The following UBE2QL1 variants were observed in gnomAD, a reference collection of about 807,000 sequenced individuals.
The protein encoded by UBE2QL1 is ubiquitin conjugating enzyme E2 QL1.
Under a neutral mutation model 12.6 loss-of-function variants are expected in UBE2QL1, and 5 were observed. That is an observed-to-expected ratio of 0.40 (90% CI 0.21 to 0.83). The LOEUF is 0.83. Among genes scored for constraint, UBE2QL1 ranks in the 40% least tolerant of loss-of-function variants. The probability of loss-of-function intolerance (pLI) is 0.37; values close to 1 mark genes in which losing one functional copy is unlikely to be tolerated. For missense variants in UBE2QL1, 99 were observed against 222.6 expected, an observed-to-expected ratio of 0.44 and a Z score of 3.53; for synonymous variants, 96 against 94.5, an observed-to-expected ratio of 1.02 and a Z score of -0.10.
intron 1 of UBE2QL1, among the ~76,000 whole-genome samples, chr5:6,462,341 C>T (rs1050326715): frequency 3.9e-5 from 6 of 152,168 alleles, no homozygotes; most frequent in African/African-American, 1.4e-4. Context: ...GGCAAGGCCC[C>T]CACCCCAGAT....
intron 1 of UBE2QL1, among the ~76,000 whole-genome samples, chr5:6,461,536 A>ACCCCCCCCC (rs1489545549): frequency 1.4e-4 from 5 of 36,220 alleles, no homozygotes; most frequent in Non-Finnish European, 1.7e-4. Flanking sequence ...GTTTTTCAGC[A>ACCCCCCCCC]CCCACCACCC....
In UBE2QL1 at chr5:6,461,421, T is replaced by C. The variant is rs191691586; in HGVS notation, c.354+12174T>C. Reference sequence around the variant, plus strand: ...CAGCTAACTGATCCTCCAGGATTTCTACGCTGTTTTTATTGTATTCCCAGT... The same window carrying C: ...CAGCTAACTGATCCTCCAGGATTTCCACGCTGTTTTTATTGTATTCCCAGT... On this transcript the variant is annotated intron_variant, in intron 1 of 1. Coordinates refer to ENST00000399816, the MANE Select transcript of UBE2QL1 (RefSeq NM_001145161.3). Among the ~76,000 whole-genome samples, 5 of 152,272 alleles carry C rather than the reference T, an allele frequency of 3.3e-5. No homozygotes were observed. The East Asian group carries it at 9.7e-4, about 29-fold the overall frequency.
Position 6,494,424 on chromosome 5 carries a change from CTTTT to C in UBE2QL1, c.*3079_*3082del, listed in dbSNP as rs1204052711. The C allele has an allele frequency of 6.6e-6, 1 of 152,108 alleles. No individual in the cohort carries two copies. The highest frequency in any genetic ancestry group is 1.9e-4 in the East Asian group (1 of 5,198). 9.4% of individuals were successfully genotyped at this position (152,108 alleles called of 1,614,324 possible). ...TCAGCTCCATCTATCAAAATTTGAC[CTTTT>C]TTTAAGAGAAAAATATGTAGATGAG... On this transcript the variant is annotated 3_prime_UTR_variant, in exon 2 of 2. Transcript: ENST00000399816.
Position 6,463,753 on chromosome 5 carries a change from G to A in UBE2QL1, c.354+14506G>A, listed in dbSNP as rs528937722. ...CGCCGTTCTCCTGCCTCAGCCTCCC[G>A]AGTAGCTGGGACTACAGGCGCCCGC... On this transcript the variant is annotated intron_variant, in intron 1 of 1. Coordinates refer to ENST00000399816, the MANE Select transcript of UBE2QL1 (RefSeq NM_001145161.3). 6.3e-5 allele frequency among the ~76,000 whole-genome samples: 9 copies of A among 142,534 alleles called. No homozygotes were observed. In the East Asian group the frequency reaches 2.1e-3, roughly 33 times the overall value. 93.5% of individuals were successfully genotyped at this position (142,534 alleles called of 152,430 possible).
chr5:6,471,700 CAG>C (rs764295289), intron 1 of UBE2QL1, among the ~76,000 whole-genome samples: 33 of 152,202 alleles, frequency 2.2e-4, no homozygotes, highest in Non-Finnish European at 4.3e-4. Context: ...GGAGGTCAAA[CAG>C]GGAGTGAACG....
At chr5:6,475,968 C>T (rs1048696668) in intron 1 of UBE2QL1, among the ~76,000 whole-genome samples, 1 of 152,118 alleles carries the variant, frequency 6.6e-6, no homozygotes, top group Non-Finnish European at 1.5e-5. Context: ...CAAGACCTGT[C>T]GGAAAGAATG....
intron 1 of UBE2QL1, among the ~76,000 whole-genome samples, chr5:6,466,169 G>A (rs1313835195): frequency 6.6e-6 from 1 of 152,180 alleles, no homozygotes; most frequent in Non-Finnish European, 1.5e-5. Context: ...TCTTCACGGT[G>A]GAACTAGCCA....
intron 1 of UBE2QL1, among the ~76,000 whole-genome samples, chr5:6,461,536 A>ACCCCCCC (rs1489545549): frequency 1.9e-4 from 7 of 36,222 alleles, no homozygotes; most frequent in Non-Finnish European, 2.3e-4. Flanking sequence ...GTTTTTCAGC[A>ACCCCCCC]CCCACCACCC....
At chr5:6,462,889 T>C (rs1739704298) in intron 1 of UBE2QL1, among the ~76,000 whole-genome samples, 1 of 152,200 alleles carries the variant, frequency 6.6e-6, no homozygotes, top group African/African-American at 2.4e-5. Context: ...ATTTGTAATT[T>C]GTTTGGTCTT....
In UBE2QL1 at chr5:6,481,252, C is replaced by CA. The variant is rs1391380713; in HGVS notation, c.355-9965dup. On this transcript the variant is annotated intron_variant, in intron 1 of 1. Transcript: ENST00000399816. This position sits in a 1 kb window ranked among gnomAD's most constrained non-coding sequence, Gnocchi z 4.5. ...AAACACACCCATCCTCCCAGGACCC[C>CA]ACAGCCTGCTCCTAAGACAGCGTCT... Among the ~76,000 whole-genome samples the CA allele has an allele frequency of 9.2e-5, 14 of 152,210 alleles. No individual in the cohort carries two copies. The highest frequency in any genetic ancestry group is 1.5e-4 in the Non-Finnish European group (10 of 68,038).
intron 1 of UBE2QL1, among the ~76,000 whole-genome samples, chr5:6,483,372 GAGGTTGC>G (rs1191554088): frequency 1.3e-5 from 2 of 152,146 alleles, no homozygotes; most frequent in Non-Finnish European, 2.9e-5. Context: ...CTGGGAGGCG[GAGGTTGC>G]AGTGAGCCAA....
At chr5:6,462,412 G>A (rs1739690931) in intron 1 of UBE2QL1, among the ~76,000 whole-genome samples, 1 of 152,190 alleles carries the variant, frequency 6.6e-6, no homozygotes, top group Non-Finnish European at 1.5e-5. Flanking sequence ...AGGCAACAGA[G>A]GGATCCTGGA....
At chr5:6,450,143 G>A (rs1373593213) in intron 1 of UBE2QL1, among the ~76,000 whole-genome samples, 1 of 41,734 alleles carries the variant, frequency 2.4e-5, no homozygotes, top group Non-Finnish European at 4.6e-5. Context: ...TTCCTTCCCC[G>A]AACCCCTTAG....
chr5:6,452,864 C>T (rs1355912767), intron 1 of UBE2QL1, among the ~76,000 whole-genome samples: 1 of 152,182 alleles, frequency 6.6e-6, no homozygotes, highest in Non-Finnish European at 1.5e-5. Context: ...TGTGCAGCAG[C>T]AGGGTCCCCA....
At chr5:6,482,947 C>T (rs1186174770) in intron 1 of UBE2QL1, among the ~76,000 whole-genome samples, 1 of 152,218 alleles carries the variant, frequency 6.6e-6, no homozygotes, top group Non-Finnish European at 1.5e-5. Flanking sequence ...TTCATCTTGT[C>T]TCCCAGCTCC....
intron 1 of UBE2QL1, among the ~76,000 whole-genome samples, chr5:6,486,489 C>G (rs1452460975): frequency 6.6e-6 from 1 of 152,204 alleles, no homozygotes; most frequent in Non-Finnish European, 1.5e-5. Context: ...GCTTAGCTTA[C>G]GTTATTGTCA....
At chr5:6,486,651 G>A (rs543002989) in intron 1 of UBE2QL1, among the ~76,000 whole-genome samples, 6 of 152,212 alleles carry the variant, frequency 3.9e-5, no homozygotes, top group Admixed American at 1.3e-4. Flanking sequence ...CTGAAGTCCC[G>A]GTCACCAGCA....
intron 1 of UBE2QL1, among the ~76,000 whole-genome samples, chr5:6,482,917 C>T (rs73038147): frequency 0.035 from 5,256 of 152,306 alleles, 315 homozygotes; most frequent in African/African-American, 0.12. Flanking sequence ...ACACCTGCTC[C>T]TGCAGAGATG....
chr5:6,454,051 T>G (rs73032424), intron 1 of UBE2QL1, among the ~76,000 whole-genome samples: 296 of 152,140 alleles, frequency 1.9e-3, no homozygotes, highest in African/African-American at 6.9e-3. Context: ...CAGCTAATTT[T>G]GTTTATTTTT....
Sources: gnomAD v4.1 joint callset for allele counts (sites outside exome capture counted in the v4.1 genomes callset) on GRCh38, gnomAD v4.1.1 for gene constraint, Gnocchi (gnomAD v3.1) non-coding constraint, MANE v1.5 for transcripts, NCBI Gene and HGNC (gene_info 2026-07-23, HGNC 2026-07-21) for gene names.